DNAJC1: variants seen among roughly 807,000 people sequenced by gnomAD.
DNAJC1 encodes DnaJ heat shock protein family (Hsp40) member C1, also known as dnaJ homolog subfamily C member 1.
DNAJC1 carries 58 observed loss-of-function variants against 76.6 expected under a neutral mutation model. The ratio of observed to expected loss-of-function variants is 0.76; its 90% CI spans 0.61 to 0.94. DNAJC1 has a LOEUF of 0.94. Among genes scored for constraint, DNAJC1 ranks in the 40% least tolerant of loss-of-function variants. The probability of loss-of-function intolerance (pLI) is 0.00; values close to 1 mark genes in which losing one functional copy is unlikely to be tolerated. For synonymous variants in DNAJC1, 258 were observed against 267.9 expected (o/e 0.96, Z 0.36); for missense variants, 689 against 677.3 (o/e 1.02, Z -0.19).
At chr10:21,757,434 A>G (rs1834189828) in intron 11 of DNAJC1, among the ~76,000 whole-genome samples, 1 of 152,210 alleles carries the variant, frequency 6.6e-6, no homozygotes, top group Non-Finnish European at 1.5e-5. Flanking sequence ...TTCTGTTCCA[A>G]AAATAATGAC....
At chr10:21,871,590 T>C (rs1000982110) in intron 8 of DNAJC1, among the ~76,000 whole-genome samples, 1 of 152,016 alleles carries the variant, frequency 6.6e-6, no homozygotes, top group African/African-American at 2.4e-5. Flanking sequence ...CTTTAAAAAG[T>C]AGAGATCTGA....
intron 6 of DNAJC1, among the ~76,000 whole-genome samples, chr10:21,915,462 G>C (rs931920962): frequency 6.6e-6 from 1 of 152,162 alleles, no homozygotes; most frequent in East Asian, 1.9e-4. Context: ...GGAAGCCTCT[G>C]AATCTCCCAC....
chr10:21,825,127 A>C (rs993767963), intron 8 of DNAJC1, among the ~76,000 whole-genome samples: 7 of 152,160 alleles, frequency 4.6e-5, no homozygotes, highest in African/African-American at 1.7e-4. Flanking sequence ...GGCATTAAGT[A>C]CATTCATATT....
At chr10:21,893,777 A>G (rs1444401795) in intron 7 of DNAJC1, among the ~76,000 whole-genome samples, 1 of 151,980 alleles carries the variant, frequency 6.6e-6, no homozygotes, top group Non-Finnish European at 1.5e-5. Flanking sequence ...TATAAAAAGA[A>G]GACCAAAACA....
intron 9 of DNAJC1, among the ~76,000 whole-genome samples, chr10:21,796,794 G>A (rs554476830): frequency 6.6e-6 from 1 of 152,196 alleles, no homozygotes; most frequent in East Asian, 1.9e-4. Context: ...TAAATATGAG[G>A]TTATTTTTTT....
intron 6 of DNAJC1, among the ~76,000 whole-genome samples, chr10:21,916,882 A>T (rs538143009): frequency 6.6e-6 from 1 of 152,284 alleles, no homozygotes; most frequent in South Asian, 2.1e-4. Context: ...TTATTTTGTT[A>T]GTGACCACTA....
intron 8 of DNAJC1, among the ~76,000 whole-genome samples, chr10:21,879,994 GTTCCTT>G (rs891997135): frequency 6.6e-6 from 1 of 152,210 alleles, no homozygotes; most frequent in Non-Finnish European, 1.5e-5. Context: ...AACCCTGCTA[GTTCCTT>G]TATCAGTGAA....
At chr10:21,765,962 T>C (rs953095615) in intron 10 of DNAJC1, among the ~76,000 whole-genome samples, 1 of 152,162 alleles carries the variant, frequency 6.6e-6, no homozygotes, top group Non-Finnish European at 1.5e-5. Context: ...CACATAGCAT[T>C]TGCGTGGTGT....
rs1837031671 is a variant in DNAJC1, at chr10:21,920,870, T to C, written c.465A>G (p.Ala155=). The C allele has an allele frequency of 5.0e-6, 8 of 1,613,048 alleles. No homozygotes were observed. The highest frequency in any genetic ancestry group is 6.8e-6 in the Non-Finnish European group (8 of 1,179,386). Residue 155 remains alanine, a synonymous_variant, in exon 4 of 12, where the codon GCA becomes GCG. Coordinates refer to ENST00000376980, the MANE Select transcript of DNAJC1 (RefSeq NM_022365.4). ...CTGTGAGAATAATGAACAAGAGTAA[T>C]GCCAGCTCAGCATTGCTCATTTTTC... The part of the protein sequence containing the change: ...RVRKMSNAEL[A]LLLFIILTVG...
chr10:21,964,708 G>GT (rs367817626), intron 1 of DNAJC1, among the ~76,000 whole-genome samples: 2,054 of 133,864 alleles, frequency 0.015, 12 homozygotes, highest in Non-Finnish European at 0.019. Context: ...AAGTCTGTTG[G>GT]TTTTTTTTTT....
At chr10:21,891,476 C>CAGAAA (rs1806994439) in intron 7 of DNAJC1, among the ~76,000 whole-genome samples, 1 of 38,852 alleles carries the variant, frequency 2.6e-5, no homozygotes, top group African/African-American at 9.4e-5. Flanking sequence ...ACAAAGTAGA[C>CAGAAA]AAAAAAAAAA....
intron 7 of DNAJC1, among the ~76,000 whole-genome samples, chr10:21,888,445 A>G (rs1161003359): frequency 1.3e-5 from 2 of 152,168 alleles, no homozygotes; most frequent in African/African-American, 4.8e-5. Context: ...CAGATGTTCA[A>G]TGCAGCACTA....
rs200747447 is a variant in DNAJC1 at position 21,759,511 on chromosome 10, C to G, written c.1255G>C (p.Gly419Arg). The change falls in exon 11 of 12, where the codon GGG becomes CGG. Residue 419 changes from glycine to arginine, a missense_variant. Transcript: ENST00000376980. ...DMITQREDAE[G>R]VAAEEEQEGD... Reference sequence around the variant, plus strand: ...TCCTGCTCCTCCTCCGCTGCCACCCCCTCTGCGTCCTCTCGCTGGGTGATC... The same window carrying G: ...TCCTGCTCCTCCTCCGCTGCCACCCGCTCTGCGTCCTCTCGCTGGGTGATC... 17 of 1,614,072 alleles carry G rather than the reference C, an allele frequency of 1.1e-5. No homozygotes were observed. Among genetic ancestry groups the G allele is most frequent in the South Asian group, 3.3e-5 (3 of 91,086 alleles).
At chr10:21,804,834 G>C (rs1834864368) in intron 9 of DNAJC1, among the ~76,000 whole-genome samples, 1 of 151,820 alleles carries the variant, frequency 6.6e-6, no homozygotes, top group Non-Finnish European at 1.5e-5. Flanking sequence ...TCTCAAAGCA[G>C]GTCCATTGCA....
chr10:21,960,420 C>A (rs1837770438), intron 1 of DNAJC1, among the ~76,000 whole-genome samples: 1 of 152,032 alleles, frequency 6.6e-6, no homozygotes, highest in Non-Finnish European at 1.5e-5. Context: ...TTAAAGGAAA[C>A]AATCAAGAAA....
At chr10:21,820,055 T>C (rs1835134512) in intron 8 of DNAJC1, among the ~76,000 whole-genome samples, 1 of 152,266 alleles carries the variant, frequency 6.6e-6, no homozygotes, top group Non-Finnish European at 1.5e-5. Context: ...TTCATCATTC[T>C]GAATAGATAC....
At chr10:21,933,285 A>C (rs1451923434) in intron 1 of DNAJC1, 1 of 152,542 alleles carries the variant, frequency 6.6e-6, no homozygotes, top group Admixed American at 6.5e-5. Flanking sequence ...TGCTCGGTCC[A>C]AGAGGACAAC....
At chr10:21,960,931 A>G (rs1454024255) in intron 1 of DNAJC1, among the ~76,000 whole-genome samples, 1 of 152,238 alleles carries the variant, frequency 6.6e-6, no homozygotes, top group Non-Finnish European at 1.5e-5. Context: ...AAAGGATTTT[A>G]ATAGATATTT....
At position 21,759,225 on chromosome 10, in the gene DNAJC1, C is replaced by A; in HGVS notation, c.1541G>T (p.Arg514Met). 5 of 1,614,208 alleles carry A rather than the reference C, an allele frequency of 3.1e-6. No homozygotes were observed. Among genetic ancestry groups the A allele is most frequent in the Non-Finnish European group, 4.2e-6 (5 of 1,180,040 alleles). The stretch of plus-strand genomic sequence containing the variant: ...TTTGTCCCAGCGGTCAGAGGATCCC[C>A]TTGGGTACTGCTGCAACGCCAGTTC... ...LLELALQQYP[R>M]GSSDRWDKIA... Residue 514 changes from arginine (R) to methionine (M), a missense_variant, in exon 11 of 12, where the codon AGG (arginine) becomes ATG (methionine). Coordinates refer to ENST00000376980, the MANE Select transcript of DNAJC1 (RefSeq NM_022365.4).
Sources: gnomAD v4.1 joint callset for allele counts (sites outside exome capture counted in the v4.1 genomes callset) on GRCh38, gnomAD v4.1.1 for gene constraint, MANE v1.5 for transcripts, NCBI Gene and HGNC (gene_info 2026-07-23, HGNC 2026-07-21) for gene names.